GALNT18: variants seen among roughly 807,000 people sequenced by gnomAD.
The protein encoded by GALNT18 is GalNAc-transferase 18.
A neutral mutation model predicts 69.5 loss-of-function variants in GALNT18; 44 were observed. That is an observed-to-expected ratio of 0.63 (90% confidence interval 0.50 to 0.81). The LOEUF is 0.81. Ranked by LOEUF, GALNT18 falls within the 40% of genes least tolerant of loss-of-function variation. The pLI is 0.00. For missense variants in GALNT18, 715 were observed against 810.0 expected (o/e 0.88, Z 1.42); for synonymous variants, 364 against 318.2 (o/e 1.14, Z -1.53).
At position 11,497,555 on chromosome 11, in the gene GALNT18, A is replaced by G. The variant is rs1856892026; in HGVS notation, c.236-48619T>C. On this transcript the variant is annotated intron_variant, in intron 1 of 10. Coordinates refer to ENST00000227756, the MANE Select transcript of GALNT18 (RefSeq NM_198516.3). This position sits in a 1 kb window ranked among gnomAD's most constrained non-coding sequence, Gnocchi z 4.2. ...AAAGAATACTCCAAAAGGTTCTCGT[A>G]TGAATGAAATGAGATTATTATCTAT... Among the ~76,000 whole-genome samples, 1 of 152,164 alleles carries G rather than the reference A, an allele frequency of 6.6e-6. No homozygotes were observed. Among genetic ancestry groups the G allele is most frequent in the South Asian group, 2.1e-4 (1 of 4,826 alleles).
intron 1 of GALNT18, among the ~76,000 whole-genome samples, chr11:11,576,473 C>T (rs952270078): frequency 6.6e-5 from 10 of 152,222 alleles, no homozygotes; most frequent in African/African-American, 2.4e-4. Flanking sequence ...GAGGTATTAA[C>T]ATTTGTTGAA....
intron 3 of GALNT18, among the ~76,000 whole-genome samples, chr11:11,401,252 G>C (rs1365514524): frequency 6.6e-6 from 1 of 152,206 alleles, no homozygotes; most frequent in Non-Finnish European, 1.5e-5. Context: ...TTCCAGATCT[G>C]AGAGCTCAGA....
At position 11,382,609 on chromosome 11, in the gene GALNT18, G is replaced by T. The variant is rs984308810; in HGVS notation, c.596-3345C>A. 6.6e-6 allele frequency among the ~76,000 whole-genome samples: 1 copy of T among 152,112 alleles called. No individual in the cohort carries two copies. Among genetic ancestry groups the T allele is most frequent in the Non-Finnish European group, 1.5e-5 (1 of 68,038 alleles). ...CCATCATATTTGCCTTCTTGCTAAG[G>T]CTGCCAGGAAGCTCAAAGACAAATA... On this transcript the variant is annotated intron_variant, in intron 3 of 10. Transcript: ENST00000227756. This position sits in a 1 kb window ranked among gnomAD's most constrained non-coding sequence, Gnocchi z 4.3.
intron 6 of GALNT18, among the ~76,000 whole-genome samples, chr11:11,370,674 A>T (rs1384132637): frequency 6.6e-6 from 1 of 152,174 alleles, no homozygotes; most frequent in Admixed American, 6.5e-5. Flanking sequence ...CTTGCATTTG[A>T]GAGCCTCACC....
chr11:11,458,777 A>G (rs1855977383), intron 1 of GALNT18, among the ~76,000 whole-genome samples: 1 of 151,874 alleles, frequency 6.6e-6, no homozygotes, highest in African/African-American at 2.4e-5. Flanking sequence ...TGTGGGCCTG[A>G]CCTCCCCTGT....
intron 6 of GALNT18, among the ~76,000 whole-genome samples, chr11:11,357,585 CAG>C: frequency 6.6e-6 from 1 of 152,332 alleles, no homozygotes; most frequent in Non-Finnish European, 1.5e-5. Context: ...CTTGCTTTCT[CAG>C]AGCACAGGCT....
Position 11,270,890 on chromosome 11 carries a change from A to G in GALNT18, c.*254T>C, listed in dbSNP as rs1031275053. 1.4e-5 allele frequency: 5 copies of G among 362,224 alleles called. No homozygotes were observed. Among genetic ancestry groups the G allele is most frequent in the African/African-American group, 6.1e-5 (3 of 49,384 alleles). The allele number at this position is 362,224 out of a possible 1,614,324, so 22.4% of individuals were successfully genotyped here. A position where few individuals can be genotyped will look rare whatever the true frequency, so the allele number is the denominator to read the frequency against. On this transcript the variant is annotated 3_prime_UTR_variant, in exon 11 of 11. Transcript: ENST00000227756. ...ACTGCAAAACCCTTTTCTTAATAAT[A>G]TTTTATTGTCAGTTATAAATATTTT...
chr11:11,391,456 TC>T (rs1167369150), intron 3 of GALNT18, among the ~76,000 whole-genome samples: 14 of 152,224 alleles, frequency 9.2e-5, no homozygotes, highest in Admixed American at 9.2e-4. Context: ...TTAATACATT[TC>T]CTGTCTATGG....
intron 1 of GALNT18, among the ~76,000 whole-genome samples, chr11:11,527,032 T>C (rs1857541009): frequency 6.6e-6 from 1 of 152,176 alleles, no homozygotes; most frequent in African/African-American, 2.4e-5. Flanking sequence ...CTTTCTCATT[T>C]ATAAATGCAT....
At chr11:11,368,183 C>G (rs1248958791) in intron 6 of GALNT18, among the ~76,000 whole-genome samples, 14 of 152,176 alleles carry the variant, frequency 9.2e-5, no homozygotes, top group Non-Finnish European at 1.5e-5. Context: ...AGCTGTTATT[C>G]TAATTATTAT....
chr11:11,311,970 T>A (rs1849679991), intron 9 of GALNT18, among the ~76,000 whole-genome samples: 1 of 152,210 alleles, frequency 6.6e-6, no homozygotes, highest in African/African-American at 2.4e-5. Context: ...AAGTTTCCTT[T>A]TTTTGAGACG....
chr11:11,525,053 G>A (rs748099206), intron 1 of GALNT18, among the ~76,000 whole-genome samples: 8 of 152,052 alleles, frequency 5.3e-5, no homozygotes, highest in African/African-American at 9.7e-5. Flanking sequence ...GAGAAAGGAG[G>A]GGATTTCATG....
intron 6 of GALNT18, among the ~76,000 whole-genome samples, chr11:11,344,179 C>T: frequency 6.6e-6 from 1 of 152,190 alleles, no homozygotes; most frequent in Non-Finnish European, 1.5e-5. Context: ...CCAGCCCTGA[C>T]CTTGTGCTCC....
At chr11:11,303,170 C>T (rs10831579) in intron 9 of GALNT18, among the ~76,000 whole-genome samples, 38,008 of 152,124 alleles carry the variant, frequency 0.25, 5,453 homozygotes, top group Middle Eastern at 0.39. Context: ...GCTGCAGGAG[C>T]TTGCCTTGCC....
intron 1 of GALNT18, among the ~76,000 whole-genome samples, chr11:11,565,078 G>A (rs1038458266): frequency 2.0e-5 from 3 of 152,220 alleles, no homozygotes; most frequent in African/African-American, 7.2e-5. Flanking sequence ...CTGGAAAGGG[G>A]CTGTGGAACC....
chr11:11,414,359 A>T (rs939096277), intron 3 of GALNT18, among the ~76,000 whole-genome samples: 2 of 152,228 alleles, frequency 1.3e-5, no homozygotes, highest in African/African-American at 4.8e-5. Flanking sequence ...CCACTGCCTA[A>T]TTCTTCAATA....
intron 1 of GALNT18, among the ~76,000 whole-genome samples, chr11:11,574,722 T>C (rs1243444260): frequency 2.7e-5 from 4 of 148,808 alleles, no homozygotes; most frequent in Middle Eastern, 3.4e-3. Flanking sequence ...GAATCCCTTC[T>C]GCAGGACAGC....
At chr11:11,576,644 G>C (rs908694573) in intron 1 of GALNT18, among the ~76,000 whole-genome samples, 2 of 152,348 alleles carry the variant, frequency 1.3e-5, no homozygotes, top group South Asian at 4.1e-4. Flanking sequence ...AATGAAGCTA[G>C]GACTCGACCC....
chr11:11,453,498 T>C (rs1166125051), intron 1 of GALNT18, among the ~76,000 whole-genome samples: 1 of 152,108 alleles, frequency 6.6e-6, no homozygotes, highest in South Asian at 2.1e-4. Flanking sequence ...GCAAACCCTA[T>C]CCTAAACATC....
Sources: allele counts gnomAD v4.1 joint callset (sites outside exome capture counted in the v4.1 genomes callset), GRCh38; gene constraint gnomAD v4.1.1; non-coding constraint Gnocchi (gnomAD v3.1); transcripts MANE v1.5; gene names NCBI Gene and HGNC (gene_info 2026-07-23, HGNC 2026-07-21).